Variants in ABCG5 observed in about 807,000 individuals in gnomAD.
ABCG5 encodes ATP binding cassette subfamily G member 5.
A neutral mutation model predicts 64.5 loss-of-function variants in ABCG5; 64 were observed. The ratio of observed to expected loss-of-function variants is 0.99; its 90% CI spans 0.81 to 1.22. The LOEUF (loss-of-function observed/expected upper bound fraction) is 1.22, where lower values mean the gene tolerates loss of function less well. Ranked by LOEUF, ABCG5 falls within the 50% of genes most tolerant of loss-of-function variation. The pLI is 0.00. For synonymous variants in ABCG5, 385 were observed against 326.3 expected (o/e 1.18, Z -1.94); for missense variants, 908 against 829.5 (o/e 1.09, Z -1.16).
chr2:43,821,783 A>G (rs891139393), intron 10 of ABCG5, among the ~76,000 whole-genome samples: 3 of 151,254 alleles, frequency 2.0e-5, no homozygotes, highest in East Asian at 1.9e-4. Context: ...CCCAATTTCA[A>G]TCTCTCTCCC....
rs748938941 is a variant in ABCG5 at position 43,822,812 on chromosome 2, C to T, written c.1448G>A (p.Ser483Asn). 1.9e-6 allele frequency: 3 copies of T among 1,614,058 alleles called. No homozygotes were observed. Among genetic ancestry groups the T allele is most frequent in the South Asian group, 1.1e-5 (1 of 91,086 alleles). ...PFSVVATMIF[S>N]SVCYWTLGLH... ...AACCCCTCACCAGTAGCACACACTG[C>T]TGAAAATCATGGTGGCAACAACGCT... Residue 483 changes from serine (S) to asparagine (N), a missense_variant, in exon 10 of 13, where the codon AGC becomes AAC. Coordinates refer to ENST00000405322, the MANE Select transcript of ABCG5 (RefSeq NM_022436.3).
chr2:43,813,708 C>CGTTTTTTTTTTTTT (rs1666622901), intron 12 of ABCG5, among the ~76,000 whole-genome samples: 1 of 35,374 alleles, frequency 2.8e-5, no homozygotes, highest in Non-Finnish European at 5.7e-5. Context: ...TTTTTTTTTT[C>CGTTTTTTTTTTTTT]GTTTTTTTTT....
chr2:43,834,305 G>A (rs1668127411), intron 2 of ABCG5, among the ~76,000 whole-genome samples: 1 of 152,190 alleles, frequency 6.6e-6, no homozygotes, highest in Admixed American at 6.5e-5. Flanking sequence ...CCTGCAGCCT[G>A]GGTCCCAGCC....
At chr2:43,835,348 G>A (rs923092702) in intron 2 of ABCG5, among the ~76,000 whole-genome samples, 3 of 152,132 alleles carry the variant, frequency 2.0e-5, no homozygotes, top group African/African-American at 7.2e-5. Context: ...TGAGAAGGGT[G>A]CTAAATGCCA....
At chr2:43,828,161 G>A in intron 4 of ABCG5, 46 bp from the exon 5 acceptor site, 4 of 1,612,424 alleles carry the variant, frequency 2.5e-6, no homozygotes, top group Non-Finnish European at 3.4e-6. Context: ...CTCTGTGGCT[G>A]CTATTTCAAT....
chr2:43,821,814 CA>C (rs1667224852), intron 10 of ABCG5, among the ~76,000 whole-genome samples: 1 of 152,042 alleles, frequency 6.6e-6, no homozygotes, highest in Non-Finnish European at 1.5e-5. Context: ...CAGCTGAATT[CA>C]CCTCCCATTT....
intron 4 of ABCG5, among the ~76,000 whole-genome samples, chr2:43,828,655 C>T (rs1667783196): frequency 6.6e-6 from 1 of 151,768 alleles, no homozygotes. Flanking sequence ...GAGCAAGACC[C>T]TGTCTCTAAA....
chr2:43,824,246 A>G lies in ABCG5; in HGVS notation c.1091T>C (p.Val364Ala). 1 of 1,614,016 alleles carries G rather than the reference A, an allele frequency of 6.2e-7. No homozygotes were observed. Among genetic ancestry groups the G allele is most frequent in the Admixed American group, 1.7e-5 (1 of 60,012 alleles). Reference sequence around the variant, plus strand: ...CAGGAGAACACCCAGTTTAGAGAAAACTCCAGGAGAATCTTTGGTTTTGAA... The same window carrying G: ...CAGGAGAACACCCAGTTTAGAGAAAGCTCCAGGAGAATCTTTGGTTTTGAA... ...VPFKTKDSPG[V>A]FSKLGVLLRR... The change falls in exon 8 of 13, where the codon GTT becomes GCT. Residue 364 changes from valine (V) to alanine (A), a missense_variant. Val to Ala is a moderately conservative substitution (Grantham distance 64, BLOSUM62 0). Transcript: ENST00000405322.
rs575266356 is a variant in ABCG5 at position 43,823,926 on chromosome 2, G to C, written c.1311C>G (p.Asn437Lys). 3 of 1,614,026 alleles carry C rather than the reference G, an allele frequency of 1.9e-6. No homozygotes were observed. In the East Asian group the frequency reaches 6.7e-5, roughly 36 times the overall value. Residue 437 changes from asparagine to lysine, a missense_variant, in exon 9 of 13, where the codon AAC becomes AAG. Transcript: ENST00000405322. ...VGATPYTGML[N>K]AVNLFPVLRA... ...GTGGGCACTTACACAGATTCACAGC[G>C]TTCAGCATGCCTGTGTACGGGGTGG...
At chr2:43,810,028 T>G, downstream of ABCG5, 1 of 934,784 alleles carries the variant, frequency 1.1e-6, no homozygotes, top group East Asian at 5.0e-5. Context: ...AAGTGGTATA[T>G]ACTCAATTCA....
At chr2:43,811,846 G>C (rs1217606443), downstream of ABCG5, among the ~76,000 whole-genome samples, 1 of 151,962 alleles carries the variant, frequency 6.6e-6, no homozygotes, top group East Asian at 1.9e-4. Context: ...CACCCGCCTC[G>C]GCCTCCCAAA....
chr2:43,833,882 C>G (rs1488608058), intron 2 of ABCG5, among the ~76,000 whole-genome samples: 3 of 152,152 alleles, frequency 2.0e-5, no homozygotes. Context: ...CGGGGTTTCA[C>G]CACGTTGGCC....
intron 2 of ABCG5, among the ~76,000 whole-genome samples, chr2:43,837,390 G>C (rs1327997400): frequency 2.6e-5 from 4 of 152,008 alleles, no homozygotes; most frequent in African/African-American, 9.7e-5. Context: ...CAAGCTGCTG[G>C]GATTACAGTC....
intron 10 of ABCG5, chr2:43,822,531 C>A (rs1667294349): frequency 6.1e-6 from 6 of 981,844 alleles, no homozygotes; most frequent in Non-Finnish European, 7.2e-6. Context: ...TCTTCTCTGG[C>A]CCAGGCCCTG....
intron 5 of ABCG5, 149 bp downstream of exon 5, chr2:43,827,834 A>G: frequency 7.9e-7 from 1 of 1,269,246 alleles, no homozygotes; most frequent in African/African-American, 1.5e-5. Flanking sequence ...ATTTCCAAAA[A>G]AACTGGGTCC....
At chr2:43,806,295 A>G in the ABCG5 span, among the ~76,000 whole-genome samples, 1 of 152,194 alleles carries the variant, frequency 6.6e-6, no homozygotes, top group African/African-American at 2.4e-5. Flanking sequence ...TAAGCACTAG[A>G]TCGAAAGCCC....
Position 43,828,042 on chromosome 2 carries a change from C to T in ABCG5, c.575G>A (p.Gly192Asp), listed in dbSNP as rs757989274. 3 of 1,613,982 alleles carry T rather than the reference C, an allele frequency of 1.9e-6. No individual in the cohort carries two copies. Among genetic ancestry groups the T allele is most frequent in the Non-Finnish European group, 1.7e-6 (2 of 1,179,952 alleles). The part of the protein sequence containing the change: ...DRLIGNYSLG[G>D]ISTGERRRVS... ...CCGGCGCCGCTCACCCGTGGAAATGCCCCCCAAGCTGTAGTTGCCAATCAG... is the reference window on the plus strand; with the variant it reads ...CCGGCGCCGCTCACCCGTGGAAATGTCCCCCAAGCTGTAGTTGCCAATCAG... Residue 192 changes from glycine (G) to aspartate (D), a missense_variant, in exon 5 of 13, where the codon GGC (glycine) becomes GAC (aspartate). Gly to Asp is a moderately conservative substitution (Grantham distance 94). Transcript: ENST00000405322.
chr2:43,823,484 C>G (rs1306498406), intron 9 of ABCG5, among the ~76,000 whole-genome samples: 1 of 152,102 alleles, frequency 6.6e-6, no homozygotes, highest in Non-Finnish European at 1.5e-5. Context: ...GTTAGGCAAC[C>G]AGGTTTTGTC....
At chr2:43,809,135 A>T (rs1666386861), downstream of ABCG5, among the ~76,000 whole-genome samples, 1 of 151,988 alleles carries the variant, frequency 6.6e-6, no homozygotes, top group African/African-American at 2.4e-5. Context: ...ACCACAGCGC[A>T]CACCACCATG....
Sources: gnomAD v4.1 joint callset for allele counts (sites outside exome capture counted in the v4.1 genomes callset) on GRCh38, gnomAD v4.1.1 for gene constraint, MANE v1.5 for transcripts, NCBI Gene and HGNC (gene_info 2026-07-23, HGNC 2026-07-21) for gene names.